The following DDX60 variants were observed in gnomAD, a reference collection of about 807,000 sequenced individuals.
DDX60 encodes the protein DExD/H-box helicase 60.
Under a neutral mutation model 212.8 loss-of-function variants are expected in DDX60, and 165 were observed. The ratio of observed to expected loss-of-function variants is 0.78; its 90% CI spans 0.68 to 0.88. The LOEUF is 0.88. DDX60 is among the 40% of genes least tolerant of loss of function. The probability of loss-of-function intolerance (pLI) is 0.00; values close to 1 mark genes in which losing one functional copy is unlikely to be tolerated. For missense variants in DDX60, 1,905 were observed against 2,003.9 expected, an observed-to-expected ratio of 0.95 and a Z score of 0.94; for synonymous variants, 703 against 685.3, an observed-to-expected ratio of 1.03 and a Z score of -0.40.
At chr4:168,258,181 A>G (rs1734491019) in intron 25 of DDX60, among the ~76,000 whole-genome samples, 1 of 152,250 alleles carries the variant, frequency 6.6e-6, no homozygotes, top group African/African-American at 2.4e-5. Flanking sequence ...GACCTTATTC[A>G]ATAACATTTT....
rs1735950293 is a variant in DDX60, at chr4:168,288,324, TGAAAA to T, written c.1042-14_1042-10del. On this transcript the variant is annotated splice_polypyrimidine_tract_variant and intron_variant, in intron 8 of 37. Transcript: ENST00000393743. ...TATTCACACCACTTTTTCTGAAAAT[TGAAAA>T]GAAAACCAAGTTATTGGCAATATTC... The T allele has an allele frequency of 6.9e-7, 1 of 1,456,164 alleles. No homozygotes were observed. Among genetic ancestry groups the T allele is most frequent in the African/African-American group, 1.5e-5 (1 of 68,804 alleles). The allele number at this position is 1,456,164 out of a possible 1,614,324, so 90.2% of individuals were successfully genotyped here.
chr4:168,267,875 G>C lies in DDX60; in HGVS notation c.2895C>G (p.Tyr965Ter). The C allele has an allele frequency of 6.2e-7, 1 of 1,613,082 alleles. No homozygotes were observed. Among genetic ancestry groups the C allele is most frequent in the Non-Finnish European group, 8.5e-7 (1 of 1,179,430 alleles). ...VGRQAGFPKDYLQVKQSYKVR... is the reference protein window; with the variant it reads ...VGRQAGFPKD ...CTTTATACGATTGTTTTACTTGCAAGTAGTCTTTGGGAAAGCCGGCCTGAC... is the reference window on the plus strand; with the variant it reads ...CTTTATACGATTGTTTTACTTGCAACTAGTCTTTGGGAAAGCCGGCCTGAC... The change falls in exon 21 of 38, where the codon TAC (tyrosine) becomes TAG (stop). Residue 965 changes from tyrosine (Y) to a stop codon, truncating the protein, a stop_gained. Coordinates refer to ENST00000393743, the MANE Select transcript of DDX60 (RefSeq NM_017631.6). LOFTEE classifies it high-confidence loss of function.
At position 168,246,450 on chromosome 4, in the gene DDX60, T is replaced by G. The variant is rs1464550263; in HGVS notation, c.4132A>C (p.Lys1378Gln). 4 of 1,613,888 alleles carry G rather than the reference T, an allele frequency of 2.5e-6. No homozygotes were observed. The highest frequency in any genetic ancestry group is 3.4e-6 in the Non-Finnish European group (4 of 1,179,968). The change falls in exon 30 of 38, where the codon AAG (lysine) becomes CAG (glutamine). Residue 1378 changes from lysine to glutamine, a missense_variant. By Grantham distance (53) the Lys-to-Gln change is moderately conservative (BLOSUM62 1). Transcript: ENST00000393743. ...TTGGCATCCTCTGGGTCATCTCCCT[T>G]GGAAGCCAGCAGCATGAGTCGCAGG... ...LVLRLMLLASKGDDPEDAKAK... is the reference protein window; with the variant it reads ...LVLRLMLLASQGDDPEDAKAK...
chr4:168,298,129 T>C (rs149773461), intron 6 of DDX60, among the ~76,000 whole-genome samples: 5 of 151,940 alleles, frequency 3.3e-5, no homozygotes, highest in Non-Finnish European at 7.4e-5. Flanking sequence ...GTAATTACCA[T>C]AACGAAACAT....
chr4:168,257,144 G>A (rs1734445048), intron 25 of DDX60, among the ~76,000 whole-genome samples: 1 of 152,114 alleles, frequency 6.6e-6, no homozygotes. Flanking sequence ...GGACAACACA[G>A]TGACACAGAA....
Position 168,252,408 on chromosome 4 carries a change from TATTATATTATG to T in DDX60, c.3705+90_3705+100del, listed in dbSNP as rs1252588171. On this transcript the variant is annotated intron_variant, in intron 27 of 37. Transcript: ENST00000393743. ...TTTGGTAGGGATTGTATTAATTATG[TATTATATTATG>T]CATATATCTTATTAAGCATTATCTA... The T allele has an allele frequency of 5.2e-6, 7 of 1,354,498 alleles. No homozygotes were observed. The African/African-American group carries it at 8.9e-5, about 17-fold the overall frequency. 83.9% of individuals were successfully genotyped at this position (1,354,498 alleles called of 1,614,324 possible).
rs532394904 is a variant in DDX60, at chr4:168,251,442, C to T, written c.3706-336G>A. Reference sequence around the variant, plus strand: ...CTATTGGAGCCTCAGGAGTTTTCCCCAACAGGGAGAATTCTCCAAGAAGGC... The same window carrying T: ...CTATTGGAGCCTCAGGAGTTTTCCCTAACAGGGAGAATTCTCCAAGAAGGC... On this transcript the variant is annotated intron_variant, in intron 27 of 37. Coordinates refer to ENST00000393743, the MANE Select transcript of DDX60 (RefSeq NM_017631.6). Among the ~76,000 whole-genome samples the T allele has an allele frequency of 7.7e-4, 118 of 152,322 alleles. 3 individuals carry two copies. The South Asian group carries it at 0.023, about 30-fold the overall frequency.
chr4:168,291,815 G>A lies in DDX60; in HGVS notation c.974C>T (p.Ser325Phe). 1.9e-6 allele frequency: 3 copies of A among 1,613,766 alleles called. No homozygotes were observed. Among genetic ancestry groups the A allele is most frequent in the East Asian group, 2.2e-5 (1 of 44,852 alleles). Reference sequence around the variant, plus strand: ...GATGACTCTAGCACAAGCTCTTTGAGAAAGAGGCAGATGGAGTAGAAAAAC... The same window carrying A: ...GATGACTCTAGCACAAGCTCTTTGAAAAAGAGGCAGATGGAGTAGAAAAAC... ...TVVFLLHLPL[S>F]QRACARVITS... The change falls in exon 8 of 38, where the codon TCT becomes TTT. Residue 325 changes from serine (S) to phenylalanine (F), a missense_variant. Physicochemically the swap from Ser to Phe is radical, Grantham distance 155. Transcript: ENST00000393743.
upstream of DDX60, among the ~76,000 whole-genome samples, chr4:168,322,804 G>C (rs1737632243): frequency 1.3e-5 from 2 of 152,168 alleles, no homozygotes; most frequent in African/African-American, 4.8e-5. Flanking sequence ...GTGCCACACA[G>C]GGCCACACCG....
intron 22 of DDX60, chr4:168,265,413 C>T (rs554861416): frequency 6.6e-6 from 1 of 152,164 alleles, no homozygotes; most frequent in South Asian, 2.1e-4. Context: ...AGGATATGTC[C>T]TATATAAACA....
At chr4:168,225,435 T>C (rs1733218445) in intron 34 of DDX60, 94 bp downstream of exon 34, 1 of 1,318,138 alleles carries the variant, frequency 7.6e-7, no homozygotes, top group Non-Finnish European at 1.0e-6. Flanking sequence ...AAAATAAACT[T>C]TCTGGGGTTC....
intron 30 of DDX60, among the ~76,000 whole-genome samples, chr4:168,238,109 T>G (rs934120480): frequency 6.6e-6 from 1 of 151,910 alleles, no homozygotes; most frequent in African/African-American, 2.4e-5. Context: ...TTCTGCAGTA[T>G]TATTACAAAA....
chr4:168,285,937 A>AAGGAAGGAAGGGAGGAAGGG, intron 10 of DDX60, among the ~76,000 whole-genome samples: 1 of 97,306 alleles, frequency 1.0e-5, no homozygotes, highest in East Asian at 3.0e-4. Context: ...GGAAGGAAGG[A>AAGGAAGGAAGGGAGGAAGGG]AGGGAGGAAG....
rs766351015 is a variant in DDX60 at position 168,274,027 on chromosome 4, C to T, written c.2361G>A (p.Thr787=). 14 of 1,614,070 alleles carry T rather than the reference C, an allele frequency of 8.7e-6. No individual in the cohort carries two copies. Among genetic ancestry groups the T allele is most frequent in the South Asian group, 5.5e-5 (5 of 91,086 alleles). Residue 787 remains threonine (T), a synonymous_variant, in exon 17 of 38, where the codon ACG becomes ACA. Coordinates refer to ENST00000393743, the MANE Select transcript of DDX60 (RefSeq NM_017631.6). ...KNESAVIVAP[T]SSGKTYASYY... ...AGGAGGCATAGGTTTTGCCTGAGGACGTTGGGGCAACAATCACTGCTGACT... is the reference window on the plus strand; with the variant it reads ...AGGAGGCATAGGTTTTGCCTGAGGATGTTGGGGCAACAATCACTGCTGACT...
intron 33 of DDX60, among the ~76,000 whole-genome samples, chr4:168,233,528 A>G (rs759946549): frequency 6.6e-6 from 1 of 152,128 alleles, no homozygotes; most frequent in Non-Finnish European, 1.5e-5. Flanking sequence ...CTACTCAGCC[A>G]TAAATAGAAA....
chr4:168,288,108 A>C, intron 9 of DDX60, 66 bp downstream of exon 9: 1 of 1,047,300 alleles, frequency 9.5e-7, no homozygotes. Context: ...ATTATTTTGT[A>C]GTTTTAAATT....
chr4:168,223,464 T>C (rs547630492), intron 35 of DDX60, among the ~76,000 whole-genome samples: 7 of 152,094 alleles, frequency 4.6e-5, no homozygotes, highest in Admixed American at 1.3e-4. Flanking sequence ...TAAATCCTTA[T>C]AAAAAGTTTT....
intron 32 of DDX60, 120 bp downstream of exon 32, chr4:168,237,166 T>A: frequency 3.1e-6 from 2 of 645,436 alleles, no homozygotes; most frequent in Non-Finnish European, 4.5e-6. Flanking sequence ...GATCTATAAA[T>A]TATCTACATA....
chr4:168,219,110 C>T (rs1732954293), intron 37 of DDX60, among the ~76,000 whole-genome samples: 1 of 150,194 alleles, frequency 6.7e-6, no homozygotes. Context: ...GGTGAAATCC[C>T]ATCTGTACTA....
Sources: allele counts gnomAD v4.1 joint callset (sites outside exome capture counted in the v4.1 genomes callset), GRCh38; gene constraint gnomAD v4.1.1; transcripts MANE v1.5; gene names NCBI Gene and HGNC (gene_info 2026-07-23, HGNC 2026-07-21).